Variants in PLXNA3 observed in about 807,000 individuals in gnomAD.
PLXNA3 encodes the protein plexin-A3.
In PLXNA3, 52 loss-of-function variants were observed where a neutral mutation model predicts 118.8. The observed-to-expected ratio is 0.44, with a 90% confidence interval of 0.35 to 0.55. The LOEUF is 0.55. PLXNA3 is among the 20% of genes least tolerant of loss of function. The pLI is 0.01. For synonymous variants in PLXNA3, 925 were observed against 762.4 expected, an observed-to-expected ratio of 1.21 and a Z score of -3.51; for missense variants, 1,660 against 1,730.8, an observed-to-expected ratio of 0.96 and a Z score of 0.73.
chrX:154,460,803 C>T, intron 2 of PLXNA3, 26 bp downstream of exon 2: 1 of 1,026,633 alleles, frequency 9.7e-7, no homozygotes, highest in Non-Finnish European at 1.3e-6. Context: ...TTCTCTTCTT[C>T]CTCCACCCAG....
Position 154,461,452 on chromosome X carries a change from C to T in PLXNA3, c.948C>T (p.Val316=), listed in dbSNP as rs782409758. 2 of 1,210,897 alleles carry T rather than the reference C, an allele frequency of 1.7e-6. No homozygotes were observed. The highest frequency in any genetic ancestry group is 5.9e-5 in the East Asian group (2 of 33,792). The change falls in exon 3 of 33, where the codon GTC becomes GTT. Residue 316 remains valine, a synonymous_variant. Transcript: ENST00000369682. ...TGGGCGTGCCGGCTGATGAGGACGT[C>T]CTCTTCACCATCTTCTCTCAGGGCC... ...QALGVPADED[V]LFTIFSQGQK...
intron 6 of PLXNA3, 49 bp downstream of exon 6, chrX:154,463,739 G>T: frequency 1.9e-6 from 2 of 1,061,192 alleles, no homozygotes; most frequent in Non-Finnish European, 1.3e-6. Context: ...CCACTGGCCA[G>T]GGGGAGCCAG....
intron 5 of PLXNA3, 30 bp from the exon 6 acceptor site, chrX:154,463,560 T>TGGGGGGGGGGGG: frequency 1.6e-6 from 1 of 630,303 alleles, no homozygotes; most frequent in East Asian, 4.7e-5. Context: ...GGGGCGGGGG[T>TGGGGGGGGGGGG]GGGCTGGGTG....
At position 154,474,246 on chromosome X, in the gene PLXNA3, T is replaced by A. The variant is rs1338495752; in HGVS notation, c.*1561T>A. ...TCAGTGCAGTCTCAAACTCCTGGGC[T>A]CAAGTGATCCTCCCACCTCAGCCTC... On this transcript the variant is annotated 3_prime_UTR_variant, in exon 33 of 33. Transcript: ENST00000369682. 2 of 107,595 alleles carry A rather than the reference T, an allele frequency of 1.9e-5. No individual in the cohort carries two copies. Among genetic ancestry groups the A allele is most frequent in the African/African-American group, 3.4e-5 (1 of 29,290 alleles). 8.9% of individuals were successfully genotyped at this position (107,595 alleles called of 1,213,427 possible).
chrX:154,464,596 G>A (rs1460501629), intron 9 of PLXNA3, 95 bp downstream of exon 9: 7 of 785,843 alleles, frequency 8.9e-6, no homozygotes, highest in Non-Finnish European at 1.3e-5. Context: ...TGGGGCATCA[G>A]GGGCTAACTG....
In PLXNA3 at chrX:154,461,625, C is replaced by G; in HGVS notation, c.1121C>G (p.Pro374Arg). Residue 374 changes from proline to arginine, a missense_variant, in exon 3 of 33, where the codon CCC becomes CGC. This residue lies in a region of PLXNA3 where 791 missense variants were observed against 652.1 expected (regional missense o/e 1.21). Transcript: ENST00000369682. ...ALPWLLNKELPCINTPMQING... is the reference protein window; with the variant it reads ...ALPWLLNKELRCINTPMQING... ...CCCTGGCTGCTGAACAAGGAGCTGC[C>G]CTGCATCAACACCGTGAGCCCCTCA... 1.7e-6 allele frequency: 2 copies of G among 1,191,190 alleles called. No homozygotes were observed. Among genetic ancestry groups the G allele is most frequent in the African/African-American group, 1.7e-5 (1 of 57,859 alleles).
chrX:154,463,831 G>A lies in PLXNA3; in HGVS notation c.1548-120G>A, dbSNP rs2069023293. On this transcript the variant is annotated intron_variant, in intron 6 of 32. Coordinates refer to ENST00000369682, the MANE Select transcript of PLXNA3 (RefSeq NM_017514.5). Reference sequence around the variant, plus strand: ...AATGAGTGGAACCTCCACCCCGAGTGACGTCCCTCGGGCCCCAGGGGACGC... The same window carrying A: ...AATGAGTGGAACCTCCACCCCGAGTAACGTCCCTCGGGCCCCAGGGGACGC... 3.0e-6 allele frequency: 3 copies of A among 1,014,532 alleles called. No homozygotes were observed. In the South Asian group the frequency reaches 6.5e-5, roughly 22 times the overall value. 83.6% of individuals were successfully genotyped at this position (1,014,532 alleles called of 1,213,427 possible).
chrX:154,470,878 G>A (rs1370094329), intron 30 of PLXNA3: 4 of 446,318 alleles, frequency 9.0e-6, no homozygotes, highest in South Asian at 3.3e-5. Flanking sequence ...GTGGTCGGTC[G>A]CAGGTGGTGA....
rs200880623 is a variant in PLXNA3 at position 154,467,893 on chromosome X, G to A, written c.3712G>A (p.Val1238Met). Residue 1238 changes from valine to methionine, a missense_variant, in exon 21 of 33, where the codon GTG (valine) becomes ATG (methionine). Around this residue, in one of 2 missense-constraint regions of PLXNA3, gnomAD observed 869 missense variants for 1,078.7 expected, o/e 0.81. Coordinates refer to ENST00000369682, the MANE Select transcript of PLXNA3 (RefSeq NM_017514.5). ...GGLLLLAITAVLVAYKRKTQD... is the reference protein window; with the variant it reads ...GGLLLLAITAMLVAYKRKTQD... ...GCTCCTGCTGCTGGCCATCACAGCC[G>A]TGCTGGTGGCCTACAAGCGCAAGAC... 478 of 1,208,108 alleles carry A rather than the reference G, an allele frequency of 4.0e-4. 2 individuals are homozygous for A. The South Asian group carries it at 4.2e-3, about 10-fold the overall frequency.
chrX:154,466,933 C>A, intron 17 of PLXNA3, 124 bp from the exon 18 acceptor site: 3 of 853,793 alleles, frequency 3.5e-6, no homozygotes, highest in Admixed American at 2.7e-5. Context: ...CTGCACAGTA[C>A]CCGGCACCCA....
At chrX:154,466,940 C>T (rs1358193981) in intron 17 of PLXNA3, 117 bp from the exon 18 acceptor site, 24 of 849,932 alleles carry the variant, frequency 2.8e-5, no homozygotes, top group Non-Finnish European at 4.1e-5. Flanking sequence ...GTACCCGGCA[C>T]CCACTAGGCG....
chrX:154,468,045 C>A, intron 21 of PLXNA3, 37 bp from the exon 22 acceptor site: 1 of 1,196,366 alleles, frequency 8.4e-7, no homozygotes. Flanking sequence ...CTGGGGACCT[C>A]CCTCCTGCCC....
chrX:154,461,030 A>G, intron 2 of PLXNA3, 69 bp from the exon 3 acceptor site: 1 of 968,057 alleles, frequency 1.0e-6, no homozygotes, highest in Non-Finnish European at 1.4e-6. Flanking sequence ...ATGCAGAGGG[A>G]AGCTGGCGGT....
intron 2 of PLXNA3, 65 bp downstream of exon 2, chrX:154,460,842 G>A: frequency 2.3e-6 from 2 of 872,408 alleles, no homozygotes; most frequent in Non-Finnish European, 3.2e-6. Flanking sequence ...GAAGAGCCCT[G>A]TTCTTTCTGA....
chrX:154,463,791 C>A, intron 6 of PLXNA3, 101 bp downstream of exon 6: 1 of 971,527 alleles, frequency 1.0e-6, no homozygotes, highest in Non-Finnish European at 1.4e-6. Flanking sequence ...CCGCCCTCCT[C>A]CACTTTCTCC....
At position 154,468,144 on chromosome X, in the gene PLXNA3, C is replaced by T. The variant is rs1557208055; in HGVS notation, c.3883C>T (p.Pro1295Ser). 2 of 1,194,048 alleles carry T rather than the reference C, an allele frequency of 1.7e-6. No homozygotes were observed. The highest frequency in any genetic ancestry group is 2.3e-6 in the Non-Finnish European group (2 of 885,575). ...LTNHMDEVQI[P>S]FLDYRTYAVR... Reference sequence around the variant, plus strand: ...TAACCACATGGACGAGGTGCAGATCCCCTTCCTGGACTACCGGACTTACGC... The same window carrying T: ...TAACCACATGGACGAGGTGCAGATCTCCTTCCTGGACTACCGGACTTACGC... Residue 1295 changes from proline to serine, a missense_variant, in exon 22 of 33, where the codon CCC (proline) becomes TCC (serine). Coordinates refer to ENST00000369682, the MANE Select transcript of PLXNA3 (RefSeq NM_017514.5).
chrX:154,460,502 C>T lies in PLXNA3; in HGVS notation c.319C>T (p.Arg107Cys), dbSNP rs147793684. Residue 107 changes from arginine to cysteine, a missense_variant, in exon 2 of 33, where the codon CGC becomes TGC. Coordinates refer to ENST00000369682, the MANE Select transcript of PLXNA3 (RefSeq NM_017514.5). ...GCTGCTGCTCATAGACTATGCGGCC[C>T]GCCGCCTGGTGGCCTGCGGCAGCAT... ...NKLLLIDYAARRLVACGSIWQ... is the reference protein window; with the variant it reads ...NKLLLIDYAACRLVACGSIWQ... The T allele has an allele frequency of 3.6e-4, 441 of 1,208,798 alleles. No individual in the cohort carries two copies. Among genetic ancestry groups the T allele is most frequent in the South Asian group, 5.8e-4 (33 of 56,826 alleles).
Position 154,467,705 on chromosome X carries a change from A to G in PLXNA3, c.3585+17A>G. ...CCTGTCATGGTAGGTGGGGATGGGG[A>G]GACCCCCTGGGCAGCCCAGGGTGGG... On this transcript the variant is annotated intron_variant, in intron 20 of 32. Transcript: ENST00000369682. 3 of 1,206,288 alleles carry G rather than the reference A, an allele frequency of 2.5e-6. No homozygotes were observed. Among genetic ancestry groups the G allele is most frequent in the Non-Finnish European group, 3.4e-6 (3 of 893,871 alleles).
At position 154,460,611 on chromosome X, in the gene PLXNA3, C is replaced by T. The variant is rs781823667; in HGVS notation, c.428C>T (p.Ser143Leu). Residue 143 changes from serine (S) to leucine (L), a missense_variant, in exon 2 of 33, where the codon TCG becomes TTG. Transcript: ENST00000369682. The part of the protein sequence containing the change: ...EPHHRKEHYL[S>L]GAQEPDSMAG... ...CACCACCGCAAGGAGCACTACCTGT[C>T]GGGGGCCCAGGAGCCCGACTCCATG... 1.3e-5 allele frequency: 16 copies of T among 1,191,734 alleles called. No individual in the cohort carries two copies. The highest frequency in any genetic ancestry group is 4.5e-5 in the Admixed American group (2 of 44,143).
Sources: gnomAD v4.1 joint callset for allele counts on GRCh38, gnomAD v4.1.1 for gene constraint, gnomAD v4.1.1 regional missense constraint, MANE v1.5 for transcripts, NCBI Gene and HGNC (gene_info 2026-07-23, HGNC 2026-07-21) for gene names.